CDH18: variants seen among roughly 807,000 people sequenced by gnomAD.
CDH18 encodes the protein cadherin 18.
In CDH18, 31 loss-of-function variants were observed where a neutral mutation model predicts 67.9. The observed-to-expected ratio is 0.46, with a 90% CI of 0.34 to 0.62. The LOEUF is 0.62. Ranked by LOEUF, CDH18 falls within the 20% of genes least tolerant of loss-of-function variation. CDH18 has a pLI of 0.01. For missense variants in CDH18, 890 were observed against 975.5 expected, an observed-to-expected ratio of 0.91 and a Z score of 1.17; for synonymous variants, 362 against 347.2, an observed-to-expected ratio of 1.04 and a Z score of -0.48.
intron 7 of CDH18, among the ~76,000 whole-genome samples, chr5:19,586,958 G>A (rs568967126): frequency 1.2e-4 from 19 of 152,154 alleles, no homozygotes; most frequent in Non-Finnish European, 2.5e-4. Context: ...CTAATGATCA[G>A]TGATGTTGAG....
Position 19,858,984 on chromosome 5 carries a change from T to C in CDH18, c.-256-19742A>G, listed in dbSNP as rs1226903264. On this transcript the variant is annotated intron_variant, in intron 2 of 12. Coordinates refer to ENST00000382275, the MANE Select transcript of CDH18 (RefSeq NM_004934.5). The stretch of plus-strand genomic sequence containing the variant: ...GAAAAATGAAAAAAAAACTATTTTA[T>C]TGAGATATTAATTATGTATAAAAAG... Among the ~76,000 whole-genome samples, 5 of 152,222 alleles carry C rather than the reference T, an allele frequency of 3.3e-5. No homozygotes were observed. The East Asian group carries it at 9.7e-4, about 29-fold the overall frequency.
chr5:20,472,415 C>CGTA (rs1277671206), intron 1 of CDH18, among the ~76,000 whole-genome samples: 5 of 151,770 alleles, frequency 3.3e-5, no homozygotes, highest in Admixed American at 1.3e-4. Flanking sequence ...AATGTAGATC[C>CGTA]GTAGACTGTA....
chr5:19,724,161 T>C (rs79252223), intron 4 of CDH18, among the ~76,000 whole-genome samples: 6,649 of 152,280 alleles, frequency 0.044, 473 homozygotes, highest in African/African-American at 0.15. Flanking sequence ...ACATTCATAC[T>C]ATGAAATATT....
At chr5:20,112,507 T>C (rs575102833) in intron 2 of CDH18, among the ~76,000 whole-genome samples, 2 of 152,224 alleles carry the variant, frequency 1.3e-5, no homozygotes, top group East Asian at 3.9e-4. Flanking sequence ...GCTTTATAAG[T>C]TAGAGGAATT....
chr5:20,053,635 C>A (rs1561751394), intron 2 of CDH18, among the ~76,000 whole-genome samples: 1 of 152,098 alleles, frequency 6.6e-6, no homozygotes, highest in Non-Finnish European at 1.5e-5. Flanking sequence ...CAGAAGCTGA[C>A]CACTTGTAAA....
intron 4 of CDH18, among the ~76,000 whole-genome samples, chr5:19,727,679 T>C (rs1362247366): frequency 6.6e-6 from 1 of 151,586 alleles, no homozygotes; most frequent in East Asian, 2.0e-4. Flanking sequence ...TCATAATTTA[T>C]AGTTGCTTTT....
intron 2 of CDH18, among the ~76,000 whole-genome samples, chr5:19,959,108 C>T (rs1796549237): frequency 6.6e-6 from 1 of 151,278 alleles, no homozygotes; most frequent in Admixed American, 6.6e-5. Flanking sequence ...AAAGACAAGG[C>T]AAAGAAGGAT....
At chr5:19,836,712 CT>C (rs1781683726) in intron 3 of CDH18, among the ~76,000 whole-genome samples, 1 of 152,044 alleles carries the variant, frequency 6.6e-6, no homozygotes, top group Admixed American at 6.6e-5. Flanking sequence ...ATTGCCATTG[CT>C]TTTTGTGTTT....
rs1455860268 is a variant in CDH18, at chr5:19,571,691, G to T, written c.1141C>A (p.Pro381Thr). ...KIIVGDVDEP[P>T]LFSMPSYLME... ...AGGTAGGAAGGCATGGAAAATAGTG[G>T]TGGTTCATCTACATCCCCAACAATG... is the stretch of plus-strand genomic sequence containing the variant. The change falls in exon 8 of 13, where the codon CCA becomes ACA. Residue 381 changes from proline (P) to threonine (T), a missense_variant. Physicochemically the swap from Pro to Thr is conservative, Grantham distance 38. Coordinates refer to ENST00000382275, the MANE Select transcript of CDH18 (RefSeq NM_004934.5). The T allele has an allele frequency of 6.2e-7, 1 of 1,613,926 alleles. No homozygotes were observed. Among genetic ancestry groups the T allele is most frequent in the Non-Finnish European group, 8.5e-7 (1 of 1,179,896 alleles).
chr5:19,588,630 C>T (rs1210733719), intron 7 of CDH18, among the ~76,000 whole-genome samples: 1 of 151,876 alleles, frequency 6.6e-6, no homozygotes, highest in African/African-American at 2.4e-5. Flanking sequence ...GAGCCAAGAG[C>T]CATTGGTATG....
chr5:20,151,033 T>A (rs1354647937), intron 2 of CDH18, among the ~76,000 whole-genome samples: 1 of 152,056 alleles, frequency 6.6e-6, no homozygotes, highest in African/African-American at 2.4e-5. Flanking sequence ...ATTTTTTTTT[T>A]AGATATAGTG....
intron 1 of CDH18, among the ~76,000 whole-genome samples, chr5:20,395,100 A>G (rs930280580): frequency 3.9e-5 from 6 of 152,188 alleles, no homozygotes; most frequent in Non-Finnish European, 7.3e-5. Context: ...GTATCTACCC[A>G]AAGGAAAATA....
In CDH18 at chr5:19,473,179, C is replaced by A; in HGVS notation, c.*47G>T. The A allele has an allele frequency of 6.3e-7, 1 of 1,585,234 alleles. No homozygotes were observed. The highest frequency in any genetic ancestry group is 8.6e-7 in the Non-Finnish European group (1 of 1,164,610). ...CCTTGTCATTGCTGAGGTTGTATAT[C>A]CACTTACTCAGGAAGCAAATTCCAC... On this transcript the variant is annotated 3_prime_UTR_variant, in exon 13 of 13. Coordinates refer to ENST00000382275, the MANE Select transcript of CDH18 (RefSeq NM_004934.5).
chr5:20,208,152 C>T (rs1235067739), intron 2 of CDH18, among the ~76,000 whole-genome samples: 1 of 152,054 alleles, frequency 6.6e-6, no homozygotes, highest in Non-Finnish European at 1.5e-5. Context: ...GCTGGGAAGG[C>T]CTCAGGAACT....
intron 5 of CDH18, among the ~76,000 whole-genome samples, chr5:19,614,695 G>A (rs1200612992): frequency 6.6e-6 from 1 of 152,026 alleles, no homozygotes; most frequent in Non-Finnish European, 1.5e-5. Context: ...ATATGTAAAG[G>A]TAAAACTAAG....
intron 2 of CDH18, among the ~76,000 whole-genome samples, chr5:20,124,105 A>G (rs1363384955): frequency 2.0e-5 from 3 of 152,130 alleles, no homozygotes; most frequent in Non-Finnish European, 2.9e-5. Flanking sequence ...CTGGATAGAA[A>G]CCTCCAGAGA....
intron 5 of CDH18, among the ~76,000 whole-genome samples, chr5:19,696,878 A>G (rs146336780): frequency 8.3e-4 from 126 of 152,308 alleles, no homozygotes; most frequent in Non-Finnish European, 1.6e-3. Flanking sequence ...GTTCATTTGA[A>G]TAACTGTGAG....
At chr5:19,814,447 T>C (rs987010753) in intron 3 of CDH18, among the ~76,000 whole-genome samples, 3 of 152,002 alleles carry the variant, frequency 2.0e-5, no homozygotes, top group Non-Finnish European at 2.9e-5. Flanking sequence ...ACTATTGCAA[T>C]TTTGGACTGG....
intron 1 of CDH18, among the ~76,000 whole-genome samples, chr5:20,448,868 C>A (rs1750211706): frequency 6.6e-6 from 1 of 152,080 alleles, no homozygotes; most frequent in African/African-American, 2.4e-5. Context: ...ACAAGCAAAG[C>A]CTTTCCATTT....
Sources: gnomAD v4.1 joint callset for allele counts (sites outside exome capture counted in the v4.1 genomes callset) on GRCh38, gnomAD v4.1.1 for gene constraint, MANE v1.5 for transcripts, NCBI Gene and HGNC (gene_info 2026-07-23, HGNC 2026-07-21) for gene names.